RAD17: variants seen among roughly 807,000 people sequenced by gnomAD.
The protein encoded by RAD17 is cell cycle checkpoint protein RAD17.
RAD17 carries 31 observed loss-of-function variants against 81.5 expected under a neutral mutation model. The ratio of observed to expected loss-of-function variants is 0.38; its 90% CI spans 0.29 to 0.51. The LOEUF (loss-of-function observed/expected upper bound fraction) is 0.51, where lower values mean the gene tolerates loss of function less well. Ranked by LOEUF, RAD17 falls within the 20% of genes least tolerant of loss-of-function variation. The pLI is 0.88. For synonymous variants in RAD17, 261 were observed against 266.2 expected, an observed-to-expected ratio of 0.98 and a Z score of 0.19; for missense variants, 681 against 781.2, an observed-to-expected ratio of 0.87 and a Z score of 1.53.
At chr5:69,413,801 C>T (rs1324963606) in intron 18 of RAD17, among the ~76,000 whole-genome samples, 1 of 152,242 alleles carries the variant, frequency 6.6e-6, no homozygotes, top group East Asian at 1.9e-4. Context: ...TCCCACAGTG[C>T]AGATAGTACA....
intron 17 of RAD17, among the ~76,000 whole-genome samples, chr5:69,402,928 C>G (rs1765365159): frequency 2.2e-5 from 1 of 44,542 alleles, no homozygotes; most frequent in Non-Finnish European, 8.9e-5. Context: ...GCAATCAAAT[C>G]AGGAAATTAA....
At chr5:69,400,775 A>G (rs1765216255) in intron 17 of RAD17, among the ~76,000 whole-genome samples, 1 of 152,060 alleles carries the variant, frequency 6.6e-6, no homozygotes, top group Admixed American at 6.6e-5. Context: ...CTCTACTAAA[A>G]ATAAAAAAAT....
At chr5:69,404,701 G>C (rs563022964) in intron 17 of RAD17, among the ~76,000 whole-genome samples, 1 of 151,350 alleles carries the variant, frequency 6.6e-6, no homozygotes, top group Non-Finnish European at 1.5e-5. Context: ...CCCGGGAGGC[G>C]GAGGTTGCCA....
intron 17 of RAD17, among the ~76,000 whole-genome samples, chr5:69,407,656 A>G (rs1344119780): frequency 7.4e-6 from 1 of 134,924 alleles, no homozygotes; most frequent in Non-Finnish European, 1.5e-5. Context: ...AGCTCACTGC[A>G]ATCTCCACCT....
At chr5:69,379,829 CCTT>C (rs1162194391) in intron 6 of RAD17, among the ~76,000 whole-genome samples, 1 of 151,986 alleles carries the variant, frequency 6.6e-6, no homozygotes, top group East Asian at 1.9e-4. Context: ...GACAACAGTG[CCTT>C]CTTCTGCAGT....
intron 4 of RAD17, 121 bp from the exon 5 acceptor site, chr5:69,373,709 T>TAGTTTTAAAGGTTATAAATATA: frequency 1.9e-6 from 1 of 536,246 alleles, no homozygotes; most frequent in Non-Finnish European, 2.7e-6. Flanking sequence ...TTTTTTTTTT[T>TAGTTTTAAAGGTTATAAATATA]TTTTTTTAAG....
chr5:69,392,643 T>C, intron 13 of RAD17: 1 of 226,926 alleles, frequency 4.4e-6, no homozygotes, highest in Non-Finnish European at 9.2e-6. Flanking sequence ...ATCACTTAGG[T>C]GGCAGTGAGG....
chr5:69,401,956 A>G (rs1765296385), intron 17 of RAD17, among the ~76,000 whole-genome samples: 1 of 124,688 alleles, frequency 8.0e-6, no homozygotes. Flanking sequence ...GTGAGCCGAG[A>G]TTGCACCACT....
chr5:69,382,652 A>G (rs978490381), intron 7 of RAD17, among the ~76,000 whole-genome samples: 1 of 152,148 alleles, frequency 6.6e-6, no homozygotes, highest in Non-Finnish European at 1.5e-5. Flanking sequence ...AAGCCTTAAG[A>G]TGTGTTAAAA....
Position 69,414,357 on chromosome 5 carries a change from A to G in RAD17, c.*65A>G. The G allele has an allele frequency of 6.6e-7, 1 of 1,510,316 alleles. No individual in the cohort carries two copies. Among genetic ancestry groups the G allele is most frequent in the Middle Eastern group, 1.8e-4 (1 of 5,422 alleles). 93.6% of individuals were successfully genotyped at this position (1,510,316 alleles called of 1,614,324 possible). ...TTTTTGTTTCATTCAGTGGTACTTCAGCAGAGTTAATATGCTTTTCTGATG... is the reference window on the plus strand; with the variant it reads ...TTTTTGTTTCATTCAGTGGTACTTCGGCAGAGTTAATATGCTTTTCTGATG... On this transcript the variant is annotated 3_prime_UTR_variant, in exon 19 of 19. Coordinates refer to ENST00000354868, the MANE Select transcript of RAD17 (RefSeq NM_133338.3).
In RAD17 at chr5:69,391,892, A is replaced by G; in HGVS notation, c.1068A>G (p.Ser356=). ...GMSLKSDAVL[S]KSKRRKKPDR... ...CTTTAAAATCAGATGCTGTGCTGTC[A>G]AAATCAAAACGAAGAAAAAAACCTG... The change falls in exon 13 of 19, where the codon TCA becomes TCG. Residue 356 remains serine, a synonymous_variant. Transcript: ENST00000354868. The G allele has an allele frequency of 6.3e-7, 1 of 1,595,914 alleles. No homozygotes were observed. The highest frequency in any genetic ancestry group is 8.5e-7 in the Non-Finnish European group (1 of 1,174,628).
chr5:69,399,938 A>T (rs1023397131), intron 16 of RAD17, 111 bp from the exon 17 acceptor site: 4 of 648,852 alleles, frequency 6.2e-6, no homozygotes, highest in Admixed American at 7.5e-5. Context: ...ATAAACCCAC[A>T]AGTTAATATA....
chr5:69,378,253 G>A (rs1218267159), intron 6 of RAD17, among the ~76,000 whole-genome samples: 1 of 152,142 alleles, frequency 6.6e-6, no homozygotes, highest in Non-Finnish European at 1.5e-5. Context: ...CCAAATATTT[G>A]CAGAGTTTAA....
Position 69,414,661 on chromosome 5 carries a change from G to A in RAD17, c.*369G>A, listed in dbSNP as rs957019387. On this transcript the variant is annotated 3_prime_UTR_variant, in exon 19 of 19. Transcript: ENST00000354868. ...ATTCAACAGTTTAGGATGCAATTAC[G>A]AGTGTAAACTGTGTGCCTTATTTAC... The A allele has an allele frequency of 1.1e-5, 3 of 271,510 alleles. No individual in the cohort carries two copies. The highest frequency in any genetic ancestry group is 1.8e-4 in the East Asian group (2 of 11,222). 16.8% of individuals were successfully genotyped at this position (271,510 alleles called of 1,614,324 possible).
At chr5:69,410,939 TAAAC>T (rs1184109159) in intron 18 of RAD17, among the ~76,000 whole-genome samples, 1 of 97,606 alleles carries the variant, frequency 1.0e-5, no homozygotes, top group African/African-American at 3.8e-5. Context: ...TTAGAAAATT[TAAAC>T]AAGCAAAAAA....
intron 6 of RAD17, among the ~76,000 whole-genome samples, chr5:69,378,898 A>T (rs1763675359): frequency 6.6e-6 from 1 of 152,218 alleles, no homozygotes; most frequent in Non-Finnish European, 1.5e-5. Flanking sequence ...ATTATAACAC[A>T]GTGGGAACTA....
chr5:69,411,238 G>A (rs1246962043), intron 18 of RAD17, among the ~76,000 whole-genome samples: 1 of 151,496 alleles, frequency 6.6e-6, no homozygotes, highest in East Asian at 1.9e-4. Context: ...TGGTGAAACC[G>A]TGTCTCTACT....
In RAD17 at chr5:69,414,123, A is replaced by C; in HGVS notation, c.1844A>C (p.Glu615Ala). 2 of 1,614,254 alleles carry C rather than the reference A, an allele frequency of 1.2e-6. No homozygotes were observed. The highest frequency in any genetic ancestry group is 1.7e-6 in the Non-Finnish European group (2 of 1,180,046). Residue 615 changes from glutamate (E) to alanine (A), a missense_variant, in exon 19 of 19, where the codon GAG becomes GCG. By Grantham distance (107) the Glu-to-Ala change is moderately radical (BLOSUM62 -1). Coordinates refer to ENST00000354868, the MANE Select transcript of RAD17 (RefSeq NM_133338.3). ...CAGCTTAATGGAGGACATTCTGCAG[A>C]GGAATCTCTGGGTGAACCCACTCAA... ...EAQLNGGHSA[E>A]ESLGEPTQAT...
chr5:69,386,732 A>G (rs1217473633), intron 11 of RAD17, among the ~76,000 whole-genome samples: 1 of 152,106 alleles, frequency 6.6e-6, no homozygotes, highest in African/African-American at 2.4e-5. Context: ...CATCAAGAAA[A>G]TGTTTTCTGG....
Sources: allele counts gnomAD v4.1 joint callset (sites outside exome capture counted in the v4.1 genomes callset), GRCh38; gene constraint gnomAD v4.1.1; transcripts MANE v1.5; gene names NCBI Gene and HGNC (gene_info 2026-07-23, HGNC 2026-07-21).